The following ATP8B4 variants were observed in gnomAD, a reference collection of about 807,000 sequenced individuals.
The protein encoded by ATP8B4 is ATPase phospholipid transporting 8B4 (putative).
A neutral mutation model predicts 145.6 loss-of-function variants in ATP8B4; 133 were observed. That is an observed-to-expected ratio of 0.91 (90% CI 0.79 to 1.05). The LOEUF (loss-of-function observed/expected upper bound fraction) is 1.05, where lower values mean the gene tolerates loss of function less well. Ranked by LOEUF, ATP8B4 falls within the 50% of genes least tolerant of loss-of-function variation. The probability of loss-of-function intolerance (pLI) is 0.00; values close to 1 mark genes in which losing one functional copy is unlikely to be tolerated. For missense variants in ATP8B4, 1,458 were observed against 1,425.2 expected, an observed-to-expected ratio of 1.02 and a Z score of -0.37; for synonymous variants, 507 against 492.9, an observed-to-expected ratio of 1.03 and a Z score of -0.38.
At chr15:49,904,637 T>A (rs1435087406) in intron 20 of ATP8B4, among the ~76,000 whole-genome samples, 1 of 152,204 alleles carries the variant, frequency 6.6e-6, no homozygotes, top group Non-Finnish European at 1.5e-5. Context: ...GCCAACATGA[T>A]GTTCCCACTC....
At chr15:49,893,905 T>C (rs1280365330) in intron 23 of ATP8B4, among the ~76,000 whole-genome samples, 2 of 152,230 alleles carry the variant, frequency 1.3e-5, no homozygotes, top group African/African-American at 2.4e-5. Flanking sequence ...GCCTGAAACA[T>C]AGTAAGTACT....
At chr15:49,874,593 G>A (rs1283400719) in intron 25 of ATP8B4, among the ~76,000 whole-genome samples, 2 of 152,184 alleles carry the variant, frequency 1.3e-5, no homozygotes, top group Non-Finnish European at 2.9e-5. Context: ...TGAATGAGGG[G>A]CTAATGGTTA....
intron 2 of ATP8B4, among the ~76,000 whole-genome samples, chr15:50,101,959 A>G (rs1328473103): frequency 6.6e-6 from 1 of 152,172 alleles, no homozygotes; most frequent in Non-Finnish European, 1.5e-5. Flanking sequence ...CCATGCAAAT[A>G]AATGGAAATT....
chr15:49,884,628 A>AG (rs1362068709), intron 23 of ATP8B4, among the ~76,000 whole-genome samples: 5 of 151,658 alleles, frequency 3.3e-5, no homozygotes, highest in East Asian at 1.9e-4. Flanking sequence ...AAAAAAAAAA[A>AG]AAAGAAAGTT....
intron 8 of ATP8B4, among the ~76,000 whole-genome samples, chr15:50,000,407 GA>G (rs2047787870): frequency 6.6e-6 from 1 of 151,874 alleles, no homozygotes; most frequent in Non-Finnish European, 1.5e-5. Context: ...TCTGTAGTGA[GA>G]TCTTATTGTA....
intron 23 of ATP8B4, among the ~76,000 whole-genome samples, chr15:49,884,451 A>C (rs968941249): frequency 2.0e-5 from 3 of 151,908 alleles, no homozygotes; most frequent in African/African-American, 4.8e-5. Flanking sequence ...AATACAAAAA[A>C]TTGGCTGGTC....
chr15:49,936,920 G>A (rs1043354198), intron 14 of ATP8B4, among the ~76,000 whole-genome samples: 6 of 151,498 alleles, frequency 4.0e-5, no homozygotes, highest in Non-Finnish European at 7.4e-5. Flanking sequence ...GGTTTGTCAA[G>A]ATTTTTTTTT....
At chr15:50,065,195 T>C (rs974953760) in intron 3 of ATP8B4, among the ~76,000 whole-genome samples, 2 of 152,162 alleles carry the variant, frequency 1.3e-5, no homozygotes, top group Non-Finnish European at 2.9e-5. Context: ...TTTCAAAACA[T>C]TATGTTGTGT....
intron 9 of ATP8B4, among the ~76,000 whole-genome samples, chr15:49,994,008 T>C (rs1400471287): frequency 6.6e-6 from 1 of 152,138 alleles, no homozygotes; most frequent in Non-Finnish European, 1.5e-5. Flanking sequence ...TAAAAGTAAA[T>C]TTTGTGAAGT....
intron 6 of ATP8B4, among the ~76,000 whole-genome samples, chr15:50,038,099 C>CA (rs1384701231): frequency 5.9e-5 from 9 of 151,696 alleles, no homozygotes; most frequent in Non-Finnish European, 1.3e-4. Flanking sequence ...TTATCATTAG[C>CA]AAAAAAATAA....
chr15:50,143,789 A>G (rs2044242657), intron 1 of ATP8B4, among the ~76,000 whole-genome samples: 1 of 152,324 alleles, frequency 6.6e-6, no homozygotes, highest in African/African-American at 2.4e-5. Flanking sequence ...GCGTGATTAA[A>G]GGTACCATGT....
Position 49,972,698 on chromosome 15 carries a change from G to A in ATP8B4, c.1127C>T (p.Thr376Met), listed in dbSNP as rs2045276433. The A allele has an allele frequency of 3.1e-6, 5 of 1,613,858 alleles. No individual in the cohort carries two copies. Among genetic ancestry groups the A allele is most frequent in the South Asian group, 1.1e-5 (1 of 91,070 alleles). The part of the protein sequence containing the change: ...SRKAIPAVAR[T>M]TTLNEELGQI... ...CCCCAGTTCCTCATTGAGCGTGGTCGTTCGAGCCACTGCAGGTATTGCTTT... is the reference window on the plus strand; with the variant it reads ...CCCCAGTTCCTCATTGAGCGTGGTCATTCGAGCCACTGCAGGTATTGCTTT... Residue 376 changes from threonine (T) to methionine (M), a missense_variant, in exon 13 of 28, where the codon ACG (threonine) becomes ATG (methionine). Thr to Met is a moderately conservative substitution (Grantham distance 81). Transcript: ENST00000284509.
chr15:50,105,082 G>T (rs2056602132), intron 2 of ATP8B4, among the ~76,000 whole-genome samples: 1 of 152,032 alleles, frequency 6.6e-6, no homozygotes, highest in Non-Finnish European at 1.5e-5. Context: ...TGATACAATG[G>T]ATTTTGGGGA....
At chr15:50,142,509 G>T (rs752070913) in intron 1 of ATP8B4, among the ~76,000 whole-genome samples, 15 of 152,152 alleles carry the variant, frequency 9.9e-5, no homozygotes, top group Admixed American at 7.2e-4. Flanking sequence ...CTACGGATCT[G>T]TTTTGTATTT....
chr15:50,060,337 C>CA (rs1400195489), intron 3 of ATP8B4, among the ~76,000 whole-genome samples: 1 of 151,988 alleles, frequency 6.6e-6, no homozygotes, highest in African/African-American at 2.4e-5. Flanking sequence ...ACATTTTTCC[C>CA]AAAAAATCTA....
At position 49,876,864 on chromosome 15, in the gene ATP8B4, C is replaced by T. The variant is rs114697599; in HGVS notation, c.2782-341G>A. On this transcript the variant is annotated intron_variant, in intron 24 of 27. Transcript: ENST00000284509. ...TCTCCTGCAGGCTGTCAGAAGCATT[C>T]GTGCTCCCAGAATTCCAGCACATCA... 1.2e-3 allele frequency among the ~76,000 whole-genome samples: 184 copies of T among 152,332 alleles called. 1 individual carries two copies. The highest frequency in any genetic ancestry group is 4.2e-3 in the African/African-American group (176 of 41,580).
Position 49,981,389 on chromosome 15 carries a change from A to G in ATP8B4, c.749-95T>C, listed in dbSNP as rs2046142068. The G allele has an allele frequency of 4.2e-6, 4 of 956,176 alleles. No individual in the cohort carries two copies. The South Asian group carries it at 6.9e-5, about 16-fold the overall frequency. The allele number at this position is 956,176 out of a possible 1,614,324, so 59.2% of individuals were successfully genotyped here. ...AAATGTCTCTGAAAGAAAAAAATAT[A>G]TATTTTTCACAATAATTTAACTTTT... On this transcript the variant is annotated intron_variant, in intron 10 of 27. Transcript: ENST00000284509.
chr15:50,131,286 G>A (rs995596173), intron 1 of ATP8B4, among the ~76,000 whole-genome samples: 3 of 152,160 alleles, frequency 2.0e-5, no homozygotes, highest in East Asian at 1.9e-4. Flanking sequence ...TAGCTATGCA[G>A]TACTTAATAG....
chr15:49,975,472 A>C (rs1472481289), intron 12 of ATP8B4, among the ~76,000 whole-genome samples: 9 of 152,188 alleles, frequency 5.9e-5, no homozygotes, highest in Non-Finnish European at 1.0e-4. Context: ...CTATGTAAAT[A>C]GTTGTTATAC....
Sources: allele counts gnomAD v4.1 joint callset (sites outside exome capture counted in the v4.1 genomes callset), GRCh38; gene constraint gnomAD v4.1.1; transcripts MANE v1.5; gene names NCBI Gene and HGNC (gene_info 2026-07-23, HGNC 2026-07-21).